The following MYH16 variants were observed in gnomAD, a reference collection of about 807,000 sequenced individuals.
MYH16 encodes the protein putative uncharacterized protein MYH16.
intron 23 of MYH16, among the ~76,000 whole-genome samples, chr7:99,282,248 A>G (rs1045324906): frequency 1.3e-5 from 2 of 151,564 alleles, no homozygotes; most frequent in East Asian, 3.9e-4. Flanking sequence ...CAGGCCTCGA[A>G]CTCCTGACCT....
exon 24 of MYH16, chr7:99,283,636 C>T (rs1433434123): frequency 2.2e-6 from 1 of 456,602 alleles, no homozygotes; most frequent in African/African-American, 2.0e-5. Context: ...GCAAGCTGAG[C>T]ACGCAGATCC....
At chr7:99,287,181 A>T (rs1792291398) in intron 28 of MYH16, among the ~76,000 whole-genome samples, 1 of 152,072 alleles carries the variant, frequency 6.6e-6, no homozygotes, top group Non-Finnish European at 1.5e-5. Flanking sequence ...TGTGGGGCTG[A>T]CCCTAGTTGT....
chr7:99,277,846 C>T (rs192203874), intron 21 of MYH16, 134 bp downstream of exon 3: 6 of 359,850 alleles, frequency 1.7e-5, no homozygotes, highest in Admixed American at 1.1e-4. Context: ...AAGTCACCCT[C>T]GACCCAACTT....
intron 23 of MYH16, among the ~76,000 whole-genome samples, 171 bp downstream of exon 5, chr7:99,281,151 T>C (rs1178864491): frequency 1.3e-5 from 2 of 152,118 alleles, no homozygotes; most frequent in Non-Finnish European, 2.9e-5. Context: ...AAGAGTGACA[T>C]GGGTGTGGCC....
intron 6 of MYH16, chr7:99,252,661 C>G (rs1791824290): frequency 6.6e-6 from 1 of 152,390 alleles, no homozygotes; most frequent in African/African-American, 2.4e-5. Context: ...CCGTGTGTTT[C>G]TCTATCTTCG....
intron 20 of MYH16, among the ~76,000 whole-genome samples, 193 bp downstream of exon 2, chr7:99,273,616 G>A (rs753139608): frequency 1.3e-5 from 2 of 152,124 alleles, no homozygotes; most frequent in African/African-American, 2.4e-5. Context: ...ATCATGGGGC[G>A]GGCACAGTGG....
At chr7:99,270,622 A>C (rs965364642) in intron 18 of MYH16, among the ~76,000 whole-genome samples, 3 of 151,644 alleles carry the variant, frequency 2.0e-5, no homozygotes, top group Non-Finnish European at 4.4e-5. Flanking sequence ...CAGCCGAAAA[A>C]AATTTTTTTA....
chr7:99,292,263 G>A (rs1355428063), intron 31 of MYH16, 49 bp from the exon 13 acceptor site: 1 of 442,446 alleles, frequency 2.3e-6, no homozygotes. Context: ...TGGTGGCCCT[G>A]CGGGCTGTGG....
At chr7:99,309,228 G>C (rs1792723971), downstream of MYH16, among the ~76,000 whole-genome samples, 1 of 152,156 alleles carries the variant, frequency 6.6e-6, no homozygotes, top group Non-Finnish European at 1.5e-5. Flanking sequence ...TGAACCCTAA[G>C]CACCGACCTC....
intron 2 of MYH16, among the ~76,000 whole-genome samples, chr7:99,246,359 A>T (rs943158846): frequency 6.6e-6 from 1 of 152,136 alleles, no homozygotes; most frequent in Non-Finnish European, 1.5e-5. Flanking sequence ...AATTCTCAAT[A>T]GACTCTCAAG....
chr7:99,310,681 T>A (rs1792748126), downstream of MYH16: 1 of 152,258 alleles, frequency 6.6e-6, no homozygotes, highest in South Asian at 2.1e-4. Flanking sequence ...AGCTCCCAGC[T>A]CTGACCCACA....
At chr7:99,260,578 G>A (rs138441973) in intron 12 of MYH16, 152 of 257,032 alleles carry the variant, frequency 5.9e-4, no homozygotes, top group Non-Finnish European at 9.9e-4. Context: ...GTGGGGGAGG[G>A]GATACTTTTA....
chr7:99,288,732 C>A (rs550378865), intron 29 of MYH16, among the ~76,000 whole-genome samples: 1 of 152,170 alleles, frequency 6.6e-6, no homozygotes, highest in South Asian at 2.1e-4. Context: ...ACCTGTGCTT[C>A]GATTTCTTCA....
chr7:99,291,250 C>G (rs2150827733), intron 30 of MYH16, 73 bp from the exon 12 acceptor site: 2 of 434,750 alleles, frequency 4.6e-6, no homozygotes, highest in Non-Finnish European at 9.2e-6. Context: ...AGGAGCAATG[C>G]CCTGGGGAAC....
chr7:99,261,651 G>T (rs1791938986), intron 13 of MYH16: 1 of 153,044 alleles, frequency 6.5e-6, no homozygotes, highest in African/African-American at 2.4e-5. Flanking sequence ...CTGGCCTCAG[G>T]GTCCCTCTGT....
rs567799705 is a variant in MYH16, at chr7:99,260,274, C to T, written n.1515C>T. The T allele has an allele frequency of 6.1e-5, 96 of 1,582,482 alleles. 1 individual carries two copies. Among genetic ancestry groups the T allele is most frequent in the Middle Eastern group, 3.4e-4 (2 of 5,806 alleles). ...AGGAGGAGTACAAGAGGGAAGGCAT[C>T]GAGTGGGTCTTCATCGACTTTGGCC... On this transcript the variant is annotated non_coding_transcript_exon_variant, in exon 12 of 42. Coordinates refer to ENST00000439784, the Ensembl canonical transcript of MYH16.
At chr7:99,275,876 G>A (rs1584348514) in intron 20 of MYH16, among the ~76,000 whole-genome samples, 1 of 152,154 alleles carries the variant, frequency 6.6e-6, no homozygotes, top group South Asian at 2.1e-4. Context: ...GGATTAAGGC[G>A]CCTGCCACCA....
chr7:99,309,622 T>C (rs906893660), downstream of MYH16, among the ~76,000 whole-genome samples: 3 of 152,234 alleles, frequency 2.0e-5, no homozygotes, highest in African/African-American at 7.2e-5. Context: ...CTCATGAGGC[T>C]TCCTGTACAC....
chr7:99,285,613 A>G (rs1366808799), intron 27 of MYH16, among the ~76,000 whole-genome samples, 175 bp downstream of exon 9: 2 of 152,212 alleles, frequency 1.3e-5, no homozygotes, highest in Non-Finnish European at 2.9e-5. Context: ...GCACATCCAC[A>G]TTAATCATGA....
Sources: allele counts gnomAD v4.1 joint callset (sites outside exome capture counted in the v4.1 genomes callset), GRCh38; gene constraint gnomAD v4.1.1; transcripts MANE v1.5; gene names NCBI Gene and HGNC (gene_info 2026-07-23, HGNC 2026-07-21).